WDR70: variants seen among roughly 807,000 people sequenced by gnomAD.
The protein encoded by WDR70 is WD repeat-containing protein 70.
A neutral mutation model predicts 88.6 loss-of-function variants in WDR70; 53 were observed. The ratio of observed to expected loss-of-function variants is 0.60; its 90% confidence interval spans 0.48 to 0.75. The LOEUF is 0.75. WDR70 is among the 30% of genes least tolerant of loss of function. The pLI, the probability that WDR70 is intolerant of heterozygous loss-of-function variation, is 0.00. For synonymous variants in WDR70, 280 were observed against 270.0 expected, an observed-to-expected ratio of 1.04 and a Z score of -0.36; for missense variants, 610 against 823.2, an observed-to-expected ratio of 0.74 and a Z score of 3.17.
At chr5:37,625,935 G>C (rs563307780) in intron 10 of WDR70, among the ~76,000 whole-genome samples, 23 of 151,034 alleles carry the variant, frequency 1.5e-4, no homozygotes, top group African/African-American at 5.3e-4. Flanking sequence ...GTATAAAAAG[G>C]CTACTGATTT....
At chr5:37,584,437 T>C (rs1743307785) in intron 9 of WDR70, among the ~76,000 whole-genome samples, 1 of 152,244 alleles carries the variant, frequency 6.6e-6, no homozygotes, top group Admixed American at 6.5e-5. Flanking sequence ...ATTACTTAAC[T>C]CTGTGACTTG....
intron 10 of WDR70, among the ~76,000 whole-genome samples, chr5:37,615,655 A>G (rs1744318035): frequency 1.3e-5 from 2 of 152,332 alleles, no homozygotes. Context: ...ACATACATTC[A>G]GCTACATGTG....
At chr5:37,589,281 C>CACACAA (rs1561913550) in intron 9 of WDR70, among the ~76,000 whole-genome samples, 1 of 149,296 alleles carries the variant, frequency 6.7e-6, no homozygotes, top group African/African-American at 2.5e-5. Context: ...CACACACACA[C>CACACAA]ACACACGATA....
chr5:37,583,451 C>T (rs1189219426), intron 9 of WDR70, among the ~76,000 whole-genome samples: 1 of 150,918 alleles, frequency 6.6e-6, no homozygotes, highest in Admixed American at 6.6e-5. Context: ...TAGAGCAGAG[C>T]TTATTGAGGG....
At chr5:37,647,982 AC>A (rs1745284005) in intron 10 of WDR70, among the ~76,000 whole-genome samples, 1 of 152,058 alleles carries the variant, frequency 6.6e-6, no homozygotes, top group South Asian at 2.1e-4. Context: ...GGGGGAAACT[AC>A]CCCCATAATC....
intron 10 of WDR70, among the ~76,000 whole-genome samples, chr5:37,609,164 A>G (rs1744116409): frequency 6.6e-6 from 1 of 152,146 alleles, no homozygotes; most frequent in African/African-American, 2.4e-5. Context: ...GTAGGGGGAG[A>G]GGAGAGAGGT....
intron 17 of WDR70, among the ~76,000 whole-genome samples, chr5:37,740,294 CAT>C (rs1269331305): frequency 6.6e-6 from 1 of 152,120 alleles, no homozygotes; most frequent in Non-Finnish European, 1.5e-5. Context: ...AAATATTTCT[CAT>C]ATGTGGATTT....
At chr5:37,685,173 A>T (rs966835715) in intron 10 of WDR70, among the ~76,000 whole-genome samples, 1 of 152,082 alleles carries the variant, frequency 6.6e-6, no homozygotes, top group East Asian at 1.9e-4. Context: ...CAAGGCACTG[A>T]CTGCAATGGT....
At chr5:37,417,479 C>T (rs545608005) in intron 5 of WDR70, among the ~76,000 whole-genome samples, 1 of 151,838 alleles carries the variant, frequency 6.6e-6, no homozygotes, top group African/African-American at 2.4e-5. Context: ...CCTGTCTCAG[C>T]CTCCCAAAGT....
intron 8 of WDR70, among the ~76,000 whole-genome samples, chr5:37,494,631 T>C (rs1740163799): frequency 6.6e-6 from 1 of 152,184 alleles, no homozygotes; most frequent in Non-Finnish European, 1.5e-5. Flanking sequence ...ATCTAGAGCC[T>C]AAAACATATT....
At chr5:37,402,710 T>C (rs1253613612) in intron 5 of WDR70, among the ~76,000 whole-genome samples, 2 of 152,058 alleles carry the variant, frequency 1.3e-5, no homozygotes, top group East Asian at 3.9e-4. Flanking sequence ...TTAACTGTGG[T>C]CACCCTACTG....
intron 10 of WDR70, among the ~76,000 whole-genome samples, chr5:37,609,891 C>T (rs1744137598): frequency 6.6e-6 from 1 of 152,204 alleles, no homozygotes; most frequent in Admixed American, 6.5e-5. Context: ...AAAGAAATAT[C>T]CAGCACACAG....
At chr5:37,596,581 G>A (rs899597203) in intron 9 of WDR70, among the ~76,000 whole-genome samples, 2 of 152,118 alleles carry the variant, frequency 1.3e-5, no homozygotes, top group Admixed American at 6.5e-5. Flanking sequence ...TGCACAAACA[G>A]CATTTTGTCA....
intron 9 of WDR70, among the ~76,000 whole-genome samples, chr5:37,602,525 T>G (rs1389422713): frequency 6.6e-6 from 1 of 150,894 alleles, no homozygotes; most frequent in East Asian, 2.0e-4. Flanking sequence ...GAAAATCACT[T>G]AAACGTGGGA....
At chr5:37,693,174 C>G (rs924429595) in intron 10 of WDR70, among the ~76,000 whole-genome samples, 4 of 152,150 alleles carry the variant, frequency 2.6e-5, no homozygotes, top group Non-Finnish European at 5.9e-5. Context: ...ATGACCTGTT[C>G]AAGGAGAACT....
chr5:37,441,583 T>C (rs569746149), intron 6 of WDR70, among the ~76,000 whole-genome samples: 1 of 152,164 alleles, frequency 6.6e-6, no homozygotes, highest in Admixed American at 6.6e-5. Flanking sequence ...TTTGCGAGTC[T>C]GAGGCGGGCA....
chr5:37,685,241 G>A (rs956591267), intron 10 of WDR70, among the ~76,000 whole-genome samples: 2 of 152,090 alleles, frequency 1.3e-5, no homozygotes, highest in Non-Finnish European at 2.9e-5. Flanking sequence ...GTTAGGACAG[G>A]TAACAGGCAA....
intron 9 of WDR70, among the ~76,000 whole-genome samples, chr5:37,577,799 G>T (rs1012473083): frequency 1.3e-5 from 2 of 152,188 alleles, no homozygotes; most frequent in African/African-American, 4.8e-5. Flanking sequence ...GGCATGTTAA[G>T]TTTTAGCTGC....
intron 10 of WDR70, among the ~76,000 whole-genome samples, chr5:37,692,667 C>G (rs879061932): frequency 6.6e-6 from 1 of 152,098 alleles, no homozygotes; most frequent in East Asian, 1.9e-4. Flanking sequence ...ATTCAGCAGC[C>G]CTTCATGAGA....
Sources: gnomAD v4.1 joint callset for allele counts (sites outside exome capture counted in the v4.1 genomes callset) on GRCh38, gnomAD v4.1.1 for gene constraint, MANE v1.5 for transcripts, NCBI Gene and HGNC (gene_info 2026-07-23, HGNC 2026-07-21) for gene names.